B3GALT1: variants seen among roughly 807,000 people sequenced by gnomAD.
B3GALT1 encodes UDP-Gal:betaGlcNAc beta 1,3-galactosyltransferase, polypeptide 1.
Under a neutral mutation model 23.2 loss-of-function variants are expected in B3GALT1, and 10 were observed. The observed-to-expected ratio is 0.43, with a 90% confidence interval of 0.27 to 0.73. The LOEUF (loss-of-function observed/expected upper bound fraction) is 0.73. Ranked by LOEUF, B3GALT1 falls within the 30% of genes least tolerant of loss-of-function variation. B3GALT1 has a pLI of 0.21. For synonymous variants in B3GALT1, 156 were observed against 141.5 expected (o/e 1.10, Z -0.73); for missense variants, 299 against 405.4 (o/e 0.74, Z 2.25).
chr2:167,733,019 A>G (rs1226562896), intron 3 of B3GALT1, among the ~76,000 whole-genome samples: 2 of 152,238 alleles, frequency 1.3e-5, no homozygotes, highest in Non-Finnish European at 2.9e-5. Context: ...AAGGTTACAC[A>G]GCTGGTAAGT....
At chr2:167,514,057 C>T (rs1700067166) in intron 2 of B3GALT1, among the ~76,000 whole-genome samples, 1 of 152,054 alleles carries the variant, frequency 6.6e-6, no homozygotes, top group Non-Finnish European at 1.5e-5. Context: ...CAGGCGCCCA[C>T]CACCACGCCC....
intron 3 of B3GALT1, among the ~76,000 whole-genome samples, chr2:167,690,447 A>C (rs1464940805): frequency 6.6e-6 from 1 of 152,114 alleles, no homozygotes. Flanking sequence ...ATTTTTCAAA[A>C]GTGAAATCCT....
At chr2:167,694,493 A>G (rs1686762511) in intron 3 of B3GALT1, among the ~76,000 whole-genome samples, 1 of 152,178 alleles carries the variant, frequency 6.6e-6, no homozygotes, top group African/African-American at 2.4e-5. Flanking sequence ...AGAACTAAAA[A>G]TCAGAGTAGA....
intron 1 of B3GALT1, among the ~76,000 whole-genome samples, chr2:167,321,950 C>G (rs1394025994): frequency 6.6e-6 from 1 of 151,954 alleles, no homozygotes; most frequent in East Asian, 1.9e-4. Flanking sequence ...GAGGAATGAA[C>G]TATCTCTTAC....
In B3GALT1 at chr2:167,564,192, G is replaced by A. The variant is rs962727863; in HGVS notation, c.-410+73915G>A. ...GGTCTCCTCACTTCTCAGACGGGGC[G>A]GCCGGGCAGAGACGCTCCTCACATC... On this transcript the variant is annotated intron_variant, in intron 2 of 4. Transcript: ENST00000392690. 3.3e-4 allele frequency among the ~76,000 whole-genome samples: 50 copies of A among 151,124 alleles called. No homozygotes were observed. In the Middle Eastern group the frequency reaches 0.018, roughly 53 times the overall value.
At chr2:167,585,860 A>G (rs1574153445) in intron 2 of B3GALT1, among the ~76,000 whole-genome samples, 1 of 152,358 alleles carries the variant, frequency 6.6e-6, no homozygotes, top group Non-Finnish European at 1.5e-5. Flanking sequence ...AAAAATAAAA[A>G]TAACATAGAT....
intron 3 of B3GALT1, among the ~76,000 whole-genome samples, chr2:167,752,116 G>T (rs990684360): frequency 3.3e-5 from 5 of 151,886 alleles, no homozygotes; most frequent in Admixed American, 2.0e-4. Flanking sequence ...ATTGTAAAAA[G>T]ATTTTATGGG....
intron 1 of B3GALT1, among the ~76,000 whole-genome samples, chr2:167,409,021 C>G (rs963944989): frequency 6.6e-6 from 1 of 152,072 alleles, no homozygotes; most frequent in Non-Finnish European, 1.5e-5. Context: ...GAAAAAGAAA[C>G]TCCTAAAATT....
At chr2:167,649,672 G>C (rs1408910727) in intron 3 of B3GALT1, among the ~76,000 whole-genome samples, 1 of 151,900 alleles carries the variant, frequency 6.6e-6, no homozygotes, top group Non-Finnish European at 1.5e-5. Context: ...CCATTATATG[G>C]ATACGCTACA....
chr2:167,659,668 A>G (rs1187015721), intron 3 of B3GALT1, among the ~76,000 whole-genome samples: 1 of 152,054 alleles, frequency 6.6e-6, no homozygotes, highest in African/African-American at 2.4e-5. Context: ...ACATTTGTAA[A>G]GAGACCATTT....
At chr2:167,735,040 T>C (rs564382919) in intron 3 of B3GALT1, among the ~76,000 whole-genome samples, 8 of 152,328 alleles carry the variant, frequency 5.3e-5, no homozygotes, top group African/African-American at 1.9e-4. Context: ...CATGGTTTTA[T>C]ATTTTAAACA....
At chr2:167,790,538 A>T (rs904535385) in intron 3 of B3GALT1, among the ~76,000 whole-genome samples, 1 of 152,208 alleles carries the variant, frequency 6.6e-6, no homozygotes, top group Non-Finnish European at 1.5e-5. Context: ...CTTTCCATGC[A>T]CAAACTAACA....
chr2:167,330,675 AGTTT>A (rs566626847), intron 1 of B3GALT1, among the ~76,000 whole-genome samples: 55 of 152,178 alleles, frequency 3.6e-4, no homozygotes, highest in African/African-American at 1.3e-3. Context: ...TCAGTTCCAG[AGTTT>A]GTTTGTATCT....
At chr2:167,349,791 A>G (rs1697281590) in intron 1 of B3GALT1, among the ~76,000 whole-genome samples, 2 of 152,152 alleles carry the variant, frequency 1.3e-5, no homozygotes, top group South Asian at 2.1e-4. Flanking sequence ...ATGCCCCACA[A>G]ATAACGGGGG....
intron 4 of B3GALT1, among the ~76,000 whole-genome samples, chr2:167,838,932 G>T (rs946330557): frequency 9.9e-5 from 15 of 152,112 alleles, no homozygotes; most frequent in Non-Finnish European, 2.1e-4. Context: ...AAAACCACGT[G>T]ATTATCTCAA....
intron 2 of B3GALT1, among the ~76,000 whole-genome samples, chr2:167,517,169 T>C (rs1237739109): frequency 6.6e-6 from 1 of 151,928 alleles, no homozygotes; most frequent in Non-Finnish European, 1.5e-5. Flanking sequence ...CTCAGTTGAA[T>C]TTTCTTCTCT....
chr2:167,552,877 AT>A (rs1683774016), intron 2 of B3GALT1, among the ~76,000 whole-genome samples: 1 of 152,132 alleles, frequency 6.6e-6, no homozygotes, highest in South Asian at 2.1e-4. Flanking sequence ...AGTGCATCCC[AT>A]CTTGCTGTTT....
At chr2:167,654,819 C>T (rs550038680) in intron 3 of B3GALT1, among the ~76,000 whole-genome samples, 24 of 146,520 alleles carry the variant, frequency 1.6e-4, no homozygotes, top group African/African-American at 5.0e-4. Context: ...TTTTTTTCCA[C>T]TTAACTTTAG....
intron 3 of B3GALT1, among the ~76,000 whole-genome samples, chr2:167,760,935 A>G (rs979058465): frequency 6.6e-5 from 10 of 152,318 alleles, no homozygotes; most frequent in African/African-American, 2.2e-4. Context: ...CGTTGCATAC[A>G]TCAGAGGCAG....
Sources: allele counts gnomAD v4.1 joint callset (sites outside exome capture counted in the v4.1 genomes callset), GRCh38; gene constraint gnomAD v4.1.1; transcripts MANE v1.5; gene names NCBI Gene and HGNC (gene_info 2026-07-23, HGNC 2026-07-21).